Variants in FBXL7 observed in about 807,000 individuals in gnomAD.
The protein encoded by FBXL7 is F-box/LRR-repeat protein 7.
In FBXL7, 12 loss-of-function variants were observed where a neutral mutation model predicts 38.3. The observed-to-expected ratio is 0.31, with a 90% confidence interval of 0.20 to 0.51. FBXL7 has a LOEUF of 0.51. Ranked by LOEUF, FBXL7 falls within the 20% of genes least tolerant of loss-of-function variation. The pLI, the probability that FBXL7 is intolerant of heterozygous loss-of-function variation, is 0.98. For synonymous variants in FBXL7, 297 were observed against 300.9 expected (o/e 0.99, Z 0.13); for missense variants, 567 against 676.4 (o/e 0.84, Z 1.79).
At chr5:15,711,474 A>G (rs1416626470) in intron 2 of FBXL7, among the ~76,000 whole-genome samples, 1 of 152,230 alleles carries the variant, frequency 6.6e-6, no homozygotes, top group Non-Finnish European at 1.5e-5. Flanking sequence ...AATTTGTTAC[A>G]ACCCTATTTC....
At chr5:15,551,899 C>T (rs562914123) in intron 1 of FBXL7, among the ~76,000 whole-genome samples, 6 of 152,258 alleles carry the variant, frequency 3.9e-5, no homozygotes, top group Admixed American at 2.6e-4. Context: ...GTAAAGAGTC[C>T]CTTTCCTTCC....
chr5:15,778,415 C>G (rs191335427), intron 2 of FBXL7, among the ~76,000 whole-genome samples: 1 of 152,054 alleles, frequency 6.6e-6, no homozygotes, highest in Non-Finnish European at 1.5e-5. Context: ...TAGTTCTCAA[C>G]GCTGGGTGCA....
chr5:15,679,529 G>T (rs1742775255), intron 2 of FBXL7, among the ~76,000 whole-genome samples: 1 of 148,696 alleles, frequency 6.7e-6, no homozygotes, highest in Non-Finnish European at 1.5e-5. Flanking sequence ...TACATTTGGG[G>T]ACTATTAGCA....
At chr5:15,754,597 G>A (rs1053451906) in intron 2 of FBXL7, among the ~76,000 whole-genome samples, 6 of 152,218 alleles carry the variant, frequency 3.9e-5, no homozygotes, top group Admixed American at 3.3e-4. Flanking sequence ...AATGCCACTT[G>A]CATTGCTACC....
chr5:15,577,597 TGTGTGTGTGTGTGTGTGTG>T (rs1425266742), intron 1 of FBXL7, among the ~76,000 whole-genome samples: 1 of 1,864 alleles, frequency 5.4e-4, no homozygotes, highest in Non-Finnish European at 1.2e-3. Context: ...ATGCATTTTG[TGTGTGTGTGTGTGTGTGTG>T]TGTGTGTGTG....
chr5:15,528,900 C>T (rs549836261), intron 1 of FBXL7, among the ~76,000 whole-genome samples: 8 of 152,204 alleles, frequency 5.3e-5, no homozygotes, highest in East Asian at 1.9e-4. Context: ...AGCTAATAAA[C>T]GTGCATGACC....
intron 2 of FBXL7, among the ~76,000 whole-genome samples, chr5:15,651,656 T>G (rs182638627): frequency 1.3e-5 from 2 of 152,334 alleles, no homozygotes; most frequent in East Asian, 3.9e-4. Flanking sequence ...CTTTGTTGTT[T>G]CATTTCTAGA....
At chr5:15,783,910 T>G (rs1453289444) in intron 2 of FBXL7, among the ~76,000 whole-genome samples, 1 of 152,154 alleles carries the variant, frequency 6.6e-6, no homozygotes, top group Admixed American at 6.5e-5. Flanking sequence ...CACAGGAAAC[T>G]TGCACTTTTG....
At chr5:15,832,304 A>G (rs114455745) in intron 2 of FBXL7, among the ~76,000 whole-genome samples, 2,245 of 152,316 alleles carry the variant, frequency 0.015, 51 homozygotes, top group African/African-American at 0.051. Flanking sequence ...TTGTAATATC[A>G]TGAAATATTA....
intron 2 of FBXL7, among the ~76,000 whole-genome samples, chr5:15,892,320 G>A (rs1348252936): frequency 6.6e-6 from 1 of 152,174 alleles, no homozygotes; most frequent in African/African-American, 2.4e-5. Flanking sequence ...CAGATGATGT[G>A]GAACCATGCA....
At chr5:15,844,227 A>G (rs1229368296) in intron 2 of FBXL7, among the ~76,000 whole-genome samples, 1 of 152,142 alleles carries the variant, frequency 6.6e-6, no homozygotes, top group Non-Finnish European at 1.5e-5. Context: ...ATTTTGCTTC[A>G]ATCTTTTCCA....
chr5:15,613,279 G>A (rs2964271), intron 1 of FBXL7, among the ~76,000 whole-genome samples: 8,281 of 152,224 alleles, frequency 0.054, 664 homozygotes, highest in East Asian at 0.36. Flanking sequence ...AGTGAGAAGT[G>A]AATGTCAAAG....
chr5:15,768,294 G>A (rs1579446767), intron 2 of FBXL7, among the ~76,000 whole-genome samples: 1 of 152,124 alleles, frequency 6.6e-6, no homozygotes, highest in Non-Finnish European at 1.5e-5. Context: ...CACTTTGGGA[G>A]GCCGAGGCAG....
At chr5:15,764,639 C>G (rs1579443786) in intron 2 of FBXL7, among the ~76,000 whole-genome samples, 1 of 152,320 alleles carries the variant, frequency 6.6e-6, no homozygotes, top group Non-Finnish European at 1.5e-5. Flanking sequence ...CCAGCTTTTT[C>G]ACTTATTAAA....
chr5:15,749,666 C>G (rs940449383), intron 2 of FBXL7, among the ~76,000 whole-genome samples: 1 of 152,164 alleles, frequency 6.6e-6, no homozygotes, highest in South Asian at 2.1e-4. Flanking sequence ...CACTGCACAG[C>G]AGTGTTGATG....
chr5:15,619,067 C>T (rs1427632115), intron 2 of FBXL7, among the ~76,000 whole-genome samples: 1 of 152,172 alleles, frequency 6.6e-6, no homozygotes, highest in Non-Finnish European at 1.5e-5. Context: ...ATGATTCTTC[C>T]CTTAGGGTGG....
At chr5:15,544,682 G>A (rs567137451) in intron 1 of FBXL7, among the ~76,000 whole-genome samples, 4 of 152,266 alleles carry the variant, frequency 2.6e-5, no homozygotes, top group South Asian at 2.1e-4. Context: ...AGTAGAGTAT[G>A]GATACAGAGT....
chr5:15,514,672 A>G (rs1394924889), intron 1 of FBXL7, among the ~76,000 whole-genome samples: 1 of 152,010 alleles, frequency 6.6e-6, no homozygotes, highest in African/African-American at 2.4e-5. Flanking sequence ...TTACTTTGAG[A>G]AGATTTGAGA....
At chr5:15,850,679 A>G (rs1294573480) in intron 2 of FBXL7, among the ~76,000 whole-genome samples, 3 of 152,144 alleles carry the variant, frequency 2.0e-5, no homozygotes, top group Non-Finnish European at 4.4e-5. Flanking sequence ...GCGCCCACTC[A>G]TTTCCCAATG....
Sources: gnomAD v4.1 joint callset for allele counts (sites outside exome capture counted in the v4.1 genomes callset) on GRCh38, gnomAD v4.1.1 for gene constraint, MANE v1.5 for transcripts, NCBI Gene and HGNC (gene_info 2026-07-23, HGNC 2026-07-21) for gene names.